Variants in FBLN7 observed in about 807,000 individuals in gnomAD.
FBLN7 encodes the protein fibulin 7.
In FBLN7, 31 loss-of-function variants were observed where a neutral mutation model predicts 44.0. The ratio of observed to expected loss-of-function variants is 0.70; its 90% CI spans 0.53 to 0.95. The LOEUF is 0.95. Ranked by LOEUF, FBLN7 falls within the 40% of genes least tolerant of loss-of-function variation. The pLI, the probability that FBLN7 is intolerant of heterozygous loss-of-function variation, is 0.00. For synonymous variants in FBLN7, 262 were observed against 253.4 expected (o/e 1.03, Z -0.32); for missense variants, 573 against 618.5 (o/e 0.93, Z 0.78).
At chr2:112,178,499 C>T (rs1458436964) in intron 4 of FBLN7, among the ~76,000 whole-genome samples, 1 of 152,144 alleles carries the variant, frequency 6.6e-6, no homozygotes, top group African/African-American at 2.4e-5. Context: ...CCAACTTATT[C>T]GATGAGGCCA....
At chr2:112,205,429 G>C in the FBLN7 span, among the ~76,000 whole-genome samples, 1 of 151,596 alleles carries the variant, frequency 6.6e-6, no homozygotes, top group Admixed American at 6.6e-5. Flanking sequence ...TATACAAAGA[G>C]ATACACTCCA....
chr2:112,226,457 C>T, the FBLN7 span, among the ~76,000 whole-genome samples: 1 of 151,526 alleles, frequency 6.6e-6, no homozygotes, highest in Non-Finnish European at 1.5e-5. Flanking sequence ...GGTGAGGTGG[C>T]GGGTGCCTGT....
the FBLN7 span, chr2:112,233,149 G>T: frequency 1.6e-6 from 1 of 639,822 alleles, no homozygotes; most frequent in Non-Finnish European, 2.6e-6. Flanking sequence ...AGTTGGGCTT[G>T]GATAATATCA....
chr2:112,226,217 C>A, the FBLN7 span, among the ~76,000 whole-genome samples: 1 of 151,480 alleles, frequency 6.6e-6, no homozygotes, highest in Admixed American at 6.6e-5. Context: ...ATTACCAAAG[C>A]TGTTTTTTTT....
chr2:112,221,426 G>A, the FBLN7 span, among the ~76,000 whole-genome samples: 1 of 152,164 alleles, frequency 6.6e-6, no homozygotes, highest in African/African-American at 2.4e-5. Flanking sequence ...TAAGTTTCCT[G>A]AGGCCTCCTC....
At chr2:112,172,784 C>G (rs1558888191) in intron 3 of FBLN7, among the ~76,000 whole-genome samples, 1 of 152,028 alleles carries the variant, frequency 6.6e-6, no homozygotes, top group Non-Finnish European at 1.5e-5. Flanking sequence ...AGGTGCCCAC[C>G]ACCATGCCCG....
chr2:112,211,958 A>T, the FBLN7 span: 10 of 152,220 alleles, frequency 6.6e-5, no homozygotes, highest in African/African-American at 2.2e-4. Flanking sequence ...TCTGCTCCTT[A>T]TTATGAAAAT....
intron 1 of FBLN7, among the ~76,000 whole-genome samples, chr2:112,143,982 C>T (rs1311355396): frequency 2.6e-5 from 4 of 152,114 alleles, no homozygotes; most frequent in African/African-American, 9.7e-5. Flanking sequence ...GTGCTTGTGG[C>T]TGCAGCATTT....
At position 112,187,230 on chromosome 2, in the gene FBLN7, G is replaced by A; in HGVS notation, c.1044G>A (p.Leu348=). The A allele has an allele frequency of 6.2e-7, 1 of 1,613,956 alleles. No homozygotes were observed. The highest frequency in any genetic ancestry group is 8.5e-7 in the Non-Finnish European group (1 of 1,179,990). The part of the protein sequence containing the change: ...SFHYLSLPSN[L]KTPITLFRMA... ...ATTACCTCTCTCTGCCTTCCAACCTGAAGACGCCCATCACGCTCTTCCGCA... is the reference window on the plus strand; with the variant it reads ...ATTACCTCTCTCTGCCTTCCAACCTAAAGACGCCCATCACGCTCTTCCGCA... Residue 348 remains leucine, a synonymous_variant, in exon 8 of 8, where the codon CTG becomes CTA. Coordinates refer to ENST00000331203, the MANE Select transcript of FBLN7 (RefSeq NM_153214.3). The surrounding 1 kb of genome is among the most constrained non-coding windows in gnomAD (Gnocchi z 5.1).
chr2:112,205,336 C>T, the FBLN7 span, among the ~76,000 whole-genome samples: 6 of 151,878 alleles, frequency 4.0e-5, no homozygotes, highest in East Asian at 5.8e-4. Flanking sequence ...AAAATTCTAG[C>T]TTACCAGCAA....
the FBLN7 span, among the ~76,000 whole-genome samples, chr2:112,233,868 C>CA: frequency 8.6e-5 from 13 of 151,640 alleles, no homozygotes; most frequent in African/African-American, 2.2e-4. Flanking sequence ...GACACCATCT[C>CA]AAAAAAAATA....
the FBLN7 span, among the ~76,000 whole-genome samples, chr2:112,239,157 G>A: frequency 6.6e-6 from 1 of 152,328 alleles, no homozygotes; most frequent in African/African-American, 2.4e-5. Context: ...ACGTGCCCAA[G>A]GCAAGGGTGA....
intron 1 of FBLN7, among the ~76,000 whole-genome samples, chr2:112,154,374 C>T (rs904497093): frequency 1.1e-4 from 17 of 152,160 alleles, no homozygotes; most frequent in Non-Finnish European, 1.5e-5. Context: ...TGGAAGAGGC[C>T]TGGGAAAGTG....
the FBLN7 span, chr2:112,236,593 G>A: frequency 6.2e-7 from 1 of 1,613,920 alleles, no homozygotes. Flanking sequence ...CCTCAGCAAA[G>A]CATTTGATCC....
intron 1 of FBLN7, among the ~76,000 whole-genome samples, chr2:112,139,958 C>T (rs1573751219): frequency 1.4e-5 from 1 of 71,508 alleles, no homozygotes; most frequent in Non-Finnish European, 2.6e-5. Flanking sequence ...TCTCTCCACG[C>T]CAGTGTCCCT....
At chr2:112,174,056 ACTGG>A (rs1553477308) in intron 3 of FBLN7, among the ~76,000 whole-genome samples, 2 of 152,228 alleles carry the variant, frequency 1.3e-5, no homozygotes, top group Non-Finnish European at 1.5e-5. Flanking sequence ...AGACCACAGC[ACTGG>A]CCCTACTGGG....
intron 3 of FBLN7, among the ~76,000 whole-genome samples, chr2:112,165,547 C>T (rs1255255000): frequency 6.6e-6 from 1 of 152,144 alleles, no homozygotes; most frequent in Non-Finnish European, 1.5e-5. Flanking sequence ...GCTCTGGACA[C>T]CAGTGACTTG....
rs1442458982 is a variant in FBLN7 at position 112,175,705 on chromosome 2, T to C, written c.407-9T>C. 3.1e-6 allele frequency: 5 copies of C among 1,613,552 alleles called. No individual in the cohort carries two copies. The highest frequency in any genetic ancestry group is 8.5e-7 in the Non-Finnish European group (1 of 1,179,876). On this transcript the variant is annotated splice_polypyrimidine_tract_variant and intron_variant, in intron 3 of 7. Coordinates refer to ENST00000331203, the MANE Select transcript of FBLN7 (RefSeq NM_153214.3). ...CATCCGTATATTTGAAAATTATTTATCTTCCTAGGTATCAGTGAATGCTCC... is the reference window on the plus strand; with the variant it reads ...CATCCGTATATTTGAAAATTATTTACCTTCCTAGGTATCAGTGAATGCTCC...
At chr2:112,198,355 G>A in the FBLN7 span, among the ~76,000 whole-genome samples, 3 of 152,166 alleles carry the variant, frequency 2.0e-5, no homozygotes, top group Admixed American at 1.3e-4. Flanking sequence ...GAAACCCAGA[G>A]GCTGAGTGCG....
Sources: allele counts gnomAD v4.1 joint callset (sites outside exome capture counted in the v4.1 genomes callset), GRCh38; gene constraint gnomAD v4.1.1; non-coding constraint Gnocchi (gnomAD v3.1); transcripts MANE v1.5; gene names NCBI Gene and HGNC (gene_info 2026-07-23, HGNC 2026-07-21).